Variants in LARGE1 observed in about 807,000 individuals in gnomAD.
LARGE1 encodes the protein xylosyl- and glucuronyltransferase LARGE1.
LARGE1 carries 43 observed loss-of-function variants against 87.6 expected under a neutral mutation model. The ratio of observed to expected loss-of-function variants is 0.49; its 90% CI spans 0.38 to 0.63. The LOEUF (loss-of-function observed/expected upper bound fraction) is 0.63. Ranked by LOEUF, LARGE1 falls within the 30% of genes least tolerant of loss-of-function variation. LARGE1 has a pLI of 0.00. For missense variants in LARGE1, 802 were observed against 1,000.2 expected (o/e 0.80, Z 2.67); for synonymous variants, 434 against 394.6 (o/e 1.10, Z -1.18).
exon 12 of LARGE1, chr22:33,166,612 T>C (rs1350155897): frequency 1.8e-5 from 7 of 378,974 alleles, no homozygotes; most frequent in African/African-American, 1.5e-4. Context: ...GATGTTCACC[T>C]GGCATGTACC....
intron 2 of LARGE1, among the ~76,000 whole-genome samples, chr22:33,710,193 G>GA (rs3831699): frequency 0.027 from 3,867 of 140,818 alleles, 129 homozygotes; most frequent in African/African-American, 0.086. Context: ...CAAGGAGATT[G>GA]AAAAAAAAAA....
chr22:33,451,705 C>T (rs62225312), intron 6 of LARGE1, among the ~76,000 whole-genome samples: 6,832 of 150,936 alleles, frequency 0.045, 219 homozygotes, highest in South Asian at 0.11. Context: ...ATTACAGGCA[C>T]GCACCACCAC....
At chr22:33,073,766 T>C in the LARGE1 span, among the ~76,000 whole-genome samples, 33 of 152,282 alleles carry the variant, frequency 2.2e-4, no homozygotes, top group East Asian at 6.2e-3. Context: ...AAAAGAAAAT[T>C]GCGTTAATAC....
intron 2 of LARGE1, chr22:33,726,233 C>T (rs2083269564): frequency 6.6e-6 from 1 of 152,044 alleles, no homozygotes; most frequent in East Asian, 1.9e-4. Flanking sequence ...AACAGACAGG[C>T]AGACAGATTG....
At chr22:33,514,295 C>CAT (rs2071193938) in intron 6 of LARGE1, among the ~76,000 whole-genome samples, 2 of 151,822 alleles carry the variant, frequency 1.3e-5, no homozygotes. Flanking sequence ...CACACACACA[C>CAT]ACACACACAC....
At position 33,703,190 on chromosome 22, in the gene LARGE1, A is replaced by G. The variant is rs994815979; in HGVS notation, c.107-52522T>C. 5.9e-5 allele frequency among the ~76,000 whole-genome samples: 9 copies of G among 152,230 alleles called. 2 individuals carry two copies. The highest frequency in any genetic ancestry group is 6.5e-5 in the Admixed American group (1 of 15,286). ...GGAACATCACACACCAGGGCCTATC[A>G]GAGGGGTGGAGGAAAAGCGGAGGGA... On this transcript the variant is annotated intron_variant, in intron 2 of 14. Transcript: ENST00000397394.
chr22:33,343,856 T>C (rs1480757343), intron 9 of LARGE1, among the ~76,000 whole-genome samples: 1 of 152,190 alleles, frequency 6.6e-6, no homozygotes, highest in Non-Finnish European at 1.5e-5. Context: ...AGGGTAGATA[T>C]ATAAAGGAGT....
intron 6 of LARGE1, among the ~76,000 whole-genome samples, chr22:33,485,441 C>T (rs767838355): frequency 7.2e-5 from 11 of 152,136 alleles, no homozygotes; most frequent in African/African-American, 1.9e-4. Flanking sequence ...CTTGAACTAC[C>T]GACCTCAGGT....
At chr22:33,505,505 G>C (rs1949933110) in intron 6 of LARGE1, among the ~76,000 whole-genome samples, 1 of 152,184 alleles carries the variant, frequency 6.6e-6, no homozygotes, top group South Asian at 2.1e-4. Context: ...GCCCATTATA[G>C]ATGCCTCACA....
chr22:33,154,795 G>A, the LARGE1 span, among the ~76,000 whole-genome samples: 3 of 152,076 alleles, frequency 2.0e-5, no homozygotes, highest in Non-Finnish European at 4.4e-5. Flanking sequence ...TGGTTTGGCT[G>A]TGTCTCCACC....
chr22:33,547,750 TG>T (rs2077401473), intron 6 of LARGE1, among the ~76,000 whole-genome samples: 1 of 124,706 alleles, frequency 8.0e-6, no homozygotes, highest in African/African-American at 3.1e-5. Context: ...GCTGAAACTG[TG>T]CCACTGCACT....
intron 1 of LARGE1, among the ~76,000 whole-genome samples, chr22:33,839,057 T>C (rs1028396199): frequency 2.6e-5 from 4 of 152,234 alleles, no homozygotes; most frequent in Non-Finnish European, 5.9e-5. Context: ...TATTAGTTCA[T>C]TTTTGCATCG....
intron 1 of LARGE1, among the ~76,000 whole-genome samples, chr22:33,880,371 C>T (rs1375416781): frequency 6.6e-6 from 1 of 152,210 alleles, no homozygotes; most frequent in Non-Finnish European, 1.5e-5. Flanking sequence ...CTCATTTGAA[C>T]ATTCTAACTA....
intron 1 of LARGE1, among the ~76,000 whole-genome samples, chr22:33,817,785 T>C (rs2086699355): frequency 6.6e-6 from 1 of 152,196 alleles, no homozygotes; most frequent in South Asian, 2.1e-4. Flanking sequence ...AAATGCTTCA[T>C]TGTCATTTTT....
At chr22:33,756,798 T>G (rs2084530033) in intron 2 of LARGE1, among the ~76,000 whole-genome samples, 1 of 152,108 alleles carries the variant, frequency 6.6e-6, no homozygotes, top group Non-Finnish European at 1.5e-5. Context: ...TGCTTAGTCC[T>G]GATCACAAAG....
chr22:33,872,330 G>A (rs1348533879), intron 1 of LARGE1, among the ~76,000 whole-genome samples: 1 of 150,566 alleles, frequency 6.6e-6, no homozygotes, highest in Non-Finnish European at 1.5e-5. Flanking sequence ...ACCTTCCATG[G>A]CACAGAGCAG....
intron 1 of LARGE1, among the ~76,000 whole-genome samples, chr22:33,906,497 T>C (rs1454856932): frequency 6.6e-6 from 1 of 152,192 alleles, no homozygotes; most frequent in African/African-American, 2.4e-5. Flanking sequence ...TCAGTTTCCT[T>C]AGCTGTAAAA....
intron 3 of LARGE1, among the ~76,000 whole-genome samples, chr22:33,650,090 G>A (rs1225547584): frequency 2.0e-5 from 3 of 152,188 alleles, no homozygotes; most frequent in Admixed American, 6.5e-5. Flanking sequence ...GAACCACATA[G>A]AAACAAGCGG....
chr22:33,269,196 A>G (rs1010407971), downstream of LARGE1, among the ~76,000 whole-genome samples: 1 of 152,244 alleles, frequency 6.6e-6, no homozygotes, highest in Admixed American at 6.5e-5. Context: ...GCAAAATGTT[A>G]ACAAATGGTT....
Sources: allele counts gnomAD v4.1 joint callset (sites outside exome capture counted in the v4.1 genomes callset), GRCh38; gene constraint gnomAD v4.1.1; transcripts MANE v1.5; gene names NCBI Gene and HGNC (gene_info 2026-07-23, HGNC 2026-07-21).